The following MIGA2 variants were observed in gnomAD, a reference collection of about 807,000 sequenced individuals.
MIGA2 encodes the protein mitoguardin 2.
MIGA2 carries 36 observed loss-of-function variants against 69.9 expected under a neutral mutation model. The observed-to-expected ratio is 0.52, with a 90% CI of 0.39 to 0.68. The LOEUF (loss-of-function observed/expected upper bound fraction) is 0.68, where lower values mean the gene tolerates loss of function less well. Ranked by LOEUF, MIGA2 falls within the 30% of genes least tolerant of loss-of-function variation. The pLI is 0.00. For synonymous variants in MIGA2, 333 were observed against 349.2 expected (o/e 0.95, Z 0.52); for missense variants, 660 against 787.7 (o/e 0.84, Z 1.94).
chr9:129,041,080 A>G (rs908761199), intron 2 of MIGA2, among the ~76,000 whole-genome samples: 1 of 152,176 alleles, frequency 6.6e-6, no homozygotes, highest in Non-Finnish European at 1.5e-5. Context: ...CATGCCTGTA[A>G]TCCCAGCACT....
chr9:129,054,943 G>A (rs373726410), intron 6 of MIGA2, among the ~76,000 whole-genome samples: 83 of 152,246 alleles, frequency 5.5e-4, no homozygotes, highest in African/African-American at 1.8e-3. Flanking sequence ...CCTGGCTGGC[G>A]TGCAGTGGCA....
At chr9:129,052,079 G>C (rs966207092) in intron 6 of MIGA2, among the ~76,000 whole-genome samples, 1 of 152,030 alleles carries the variant, frequency 6.6e-6, no homozygotes, top group African/African-American at 2.4e-5. Flanking sequence ...GCCCGCCTCG[G>C]CCTCCCAAAG....
At chr9:129,056,516 A>G (rs1845804422) in intron 6 of MIGA2, among the ~76,000 whole-genome samples, 1 of 151,524 alleles carries the variant, frequency 6.6e-6, no homozygotes, top group Non-Finnish European at 1.5e-5. Context: ...TACTGTAATA[A>G]TGACTTTTTT....
intron 10 of MIGA2, 81 bp downstream of exon 10, chr9:129,063,397 C>A: frequency 6.4e-7 from 1 of 1,567,022 alleles, no homozygotes. Context: ...ATGTATGTGG[C>A]CTCCTGGTCC....
Position 129,047,977 on chromosome 9 carries a change from C to A in MIGA2, c.308-450C>A, listed in dbSNP as rs1845318682. 2.0e-5 allele frequency among the ~76,000 whole-genome samples: 3 copies of A among 151,954 alleles called. No homozygotes were observed. In the South Asian group the frequency reaches 6.2e-4, roughly 32 times the overall value. On this transcript the variant is annotated intron_variant, in intron 3 of 15. Transcript: ENST00000684074. Reference sequence around the variant, plus strand: ...CTCCTGGGCTCAAGCAGTCCTCCCCCATCTCGGCCTCCCAAAGTGCTGGGA... The same window carrying A: ...CTCCTGGGCTCAAGCAGTCCTCCCCAATCTCGGCCTCCCAAAGTGCTGGGA...
At chr9:129,041,016 C>A (rs1844875495) in intron 2 of MIGA2, among the ~76,000 whole-genome samples, 1 of 152,008 alleles carries the variant, frequency 6.6e-6, no homozygotes, top group Non-Finnish European at 1.5e-5. Flanking sequence ...CATGGTGAAA[C>A]CCTGTCTCTA....
chr9:129,070,060 G>T (rs908095350), intron 15 of MIGA2, 95 bp downstream of exon 15: 3 of 1,280,134 alleles, frequency 2.3e-6, no homozygotes, highest in Non-Finnish European at 3.3e-6. Flanking sequence ...CTGGGCCTGG[G>T]CCTGCTCCCA....
rs778999592 is a variant in MIGA2 at position 129,048,535 on chromosome 9, C to T, written c.416C>T (p.Ala139Val). 5.8e-5 allele frequency: 94 copies of T among 1,613,426 alleles called. No homozygotes were observed. The East Asian group carries it at 2.0e-3, about 35-fold the overall frequency. Reference sequence around the variant, plus strand: ...CACTCGGGCTCCTCCCACAGTGTGGCCTCGGTGAGCAGCAGGTGCCAGGGC... The same window carrying T: ...CACTCGGGCTCCTCCCACAGTGTGGTCTCGGTGAGCAGCAGGTGCCAGGGC... ...SKHSGSSHSV[A>V]SMMAVNSSSP... Residue 139 changes from alanine to valine, a missense_variant, in exon 4 of 16, where the codon GCC (alanine) becomes GTC (valine). By Grantham distance (64) the Ala-to-Val change is moderately conservative. Transcript: ENST00000684074.
At position 129,059,335 on chromosome 9, in the gene MIGA2, GT is replaced by G; in HGVS notation, c.793+66del. 7.5e-7 allele frequency: 1 copy of G among 1,339,374 alleles called. No individual in the cohort carries two copies. The highest frequency in any genetic ancestry group is 1.0e-6 in the Non-Finnish European group (1 of 961,298). The allele number at this position is 1,339,374 out of a possible 1,614,324, so 83.0% of individuals were successfully genotyped here. A position where few individuals can be genotyped will look rare whatever the true frequency, so the allele number is the denominator to read the frequency against. On this transcript the variant is annotated intron_variant, in intron 7 of 15. Transcript: ENST00000684074. This position sits in a 1 kb window ranked among gnomAD's most constrained non-coding sequence, Gnocchi z 5.6. ...GTGGCAGGGATGGAGGTGAGGAGAA[GT>G]TGCGAGAACCGGGTCGTGGTTCTCT... is the stretch of plus-strand genomic sequence containing the variant.
At chr9:129,045,309 G>A (rs951974220) in intron 3 of MIGA2, among the ~76,000 whole-genome samples, 10 of 151,272 alleles carry the variant, frequency 6.6e-5, no homozygotes, top group Admixed American at 2.0e-4. Flanking sequence ...AAGCATGGGG[G>A]TGCATGCCTG....
chr9:129,068,307 G>T lies in MIGA2; in HGVS notation c.1379G>T (p.Trp460Leu). 1 of 1,608,340 alleles carries T rather than the reference G, an allele frequency of 6.2e-7. No individual in the cohort carries two copies. The highest frequency in any genetic ancestry group is 8.5e-7 in the Non-Finnish European group (1 of 1,178,748). The change falls in exon 13 of 16, where the codon TGG becomes TTG. Residue 460 changes from tryptophan to leucine, a missense_variant. Trp to Leu is a moderately conservative substitution (Grantham distance 61, BLOSUM62 -2). Coordinates refer to ENST00000684074, the MANE Select transcript of MIGA2 (RefSeq NM_001329990.2). The surrounding 1 kb of genome is among the most constrained non-coding windows in gnomAD (Gnocchi z 4.1). ...ASVLAVLRNR[W>L]LSDSFKETAL... ...GTGCTCGCCGTCCTGCGGAACCGCT[G>T]GCTGTCAGACAGCTTCAAGGAGACG...
Position 129,070,386 on chromosome 9 carries a change from C to A in MIGA2, c.1715C>A (p.Ala572Glu). 1 of 1,611,988 alleles carries A rather than the reference C, an allele frequency of 6.2e-7. No individual in the cohort carries two copies. Among genetic ancestry groups the A allele is most frequent in the Non-Finnish European group, 8.5e-7 (1 of 1,179,536 alleles). ...EILLGYLGVP[A>E]ASSAGVNGAL... is the part of the protein sequence containing the mutation. ...TTGCTGGGGTACCTGGGGGTGCCCG[C>A]GGCCAGCAGCGCAGGCGTGAATGGG... is the stretch of plus-strand genomic sequence containing the variant. Residue 572 changes from alanine (A) to glutamate (E), a missense_variant, in exon 16 of 16, where the codon GCG becomes GAG. This residue lies in a region of MIGA2 where 220 missense variants were observed against 301.7 expected (regional missense o/e 0.73). Transcript: ENST00000684074.
In MIGA2 at chr9:129,069,219, C is replaced by T; in HGVS notation, c.1458+90C>T. 2 of 1,516,574 alleles carry T rather than the reference C, an allele frequency of 1.3e-6. No individual in the cohort carries two copies. Among genetic ancestry groups the T allele is most frequent in the Non-Finnish European group, 1.8e-6 (2 of 1,098,158 alleles). 93.9% of individuals were successfully genotyped at this position (1,516,574 alleles called of 1,614,324 possible). On this transcript the variant is annotated intron_variant, in intron 14 of 15. Coordinates refer to ENST00000684074, the MANE Select transcript of MIGA2 (RefSeq NM_001329990.2). This position sits in a 1 kb window ranked among gnomAD's most constrained non-coding sequence, Gnocchi z 4.9. ...GCGGGTGCAGGGTGGCTCGCTGGGC[C>T]ACTTGGCCTTCACCGCTCACAGTCC...
chr9:129,040,881 T>C (rs1844865497), intron 2 of MIGA2, among the ~76,000 whole-genome samples, 191 bp downstream of exon 2: 2 of 152,314 alleles, frequency 1.3e-5, no homozygotes, highest in South Asian at 2.1e-4. Context: ...GAACTCTTTT[T>C]TTTTTAATTA....
At position 129,068,494 on chromosome 9, in the gene MIGA2, C is replaced by G. The variant is rs763409921; in HGVS notation, c.1404+162C>G. 20 of 932,740 alleles carry G rather than the reference C, an allele frequency of 2.1e-5. No individual in the cohort carries two copies. Among genetic ancestry groups the G allele is most frequent in the Non-Finnish European group, 3.1e-5 (20 of 637,624 alleles). The allele number at this position is 932,740 out of a possible 1,614,324, so 57.8% of individuals were successfully genotyped here. On this transcript the variant is annotated intron_variant, in intron 13 of 15. Transcript: ENST00000684074. This position sits in a 1 kb window ranked among gnomAD's most constrained non-coding sequence, Gnocchi z 4.1. Reference sequence around the variant, plus strand: ...GAGACCAGAGTCTGCCCTGGAGAAGCCTCCAGGGTGCCCCGTTGCTGCCTG... The same window carrying G: ...GAGACCAGAGTCTGCCCTGGAGAAGGCTCCAGGGTGCCCCGTTGCTGCCTG...
At position 129,049,406 on chromosome 9, in the gene MIGA2, C is replaced by G; in HGVS notation, c.446C>G (p.Pro149Arg). The G allele has an allele frequency of 1.2e-6, 2 of 1,613,460 alleles. No homozygotes were observed. The highest frequency in any genetic ancestry group is 1.7e-6 in the Non-Finnish European group (2 of 1,179,732). ...ASMMAVNSSS[P>R]TAACSGLWDA... ...ATGATGGCAGTGAACTCATCCAGCCCCACAGCCGCGTGCTCGGGACTATGG... is the reference window on the plus strand; with the variant it reads ...ATGATGGCAGTGAACTCATCCAGCCGCACAGCCGCGTGCTCGGGACTATGG... Residue 149 changes from proline to arginine, a missense_variant, in exon 5 of 16, where the codon CCC becomes CGC. Transcript: ENST00000684074.
Position 129,049,919 on chromosome 9 carries a change from G to T in MIGA2, c.631G>T (p.Asp211Tyr), listed in dbSNP as rs575213285. 1 of 1,613,758 alleles carries T rather than the reference G, an allele frequency of 6.2e-7. No individual in the cohort carries two copies. Among genetic ancestry groups the T allele is most frequent in the African/African-American group, 1.3e-5 (1 of 75,058 alleles). The stretch of plus-strand genomic sequence containing the variant: ...CAGCGGCAGCACCCCCATGCCCAGG[G>T]ACGGCCTCCGGAACCCAGAGACTGC... ...GDSGSTPMPRDGLRNPETASE... is the reference protein window; with the variant it reads ...GDSGSTPMPRYGLRNPETASE... Residue 211 changes from aspartate (D) to tyrosine (Y), a missense_variant, in exon 6 of 16, where the codon GAC (aspartate) becomes TAC (tyrosine). Around this residue, in one of 3 missense-constraint regions of MIGA2, gnomAD observed 386 missense variants for 402.0 expected, o/e 0.96. Coordinates refer to ENST00000684074, the MANE Select transcript of MIGA2 (RefSeq NM_001329990.2).
At chr9:129,051,096 A>C (rs1437338999) in intron 6 of MIGA2, among the ~76,000 whole-genome samples, 2 of 148,238 alleles carry the variant, frequency 1.3e-5, no homozygotes, top group Non-Finnish European at 3.0e-5. Context: ...CTGGTCTCGA[A>C]CTCCTGACCT....
intron 6 of MIGA2, among the ~76,000 whole-genome samples, chr9:129,057,135 A>G (rs1040427409): frequency 6.6e-6 from 1 of 152,120 alleles, no homozygotes; most frequent in African/African-American, 2.4e-5. Context: ...TCTAGTGCTC[A>G]CTTCTCTTCC....
Sources: gnomAD v4.1 joint callset for allele counts (sites outside exome capture counted in the v4.1 genomes callset) on GRCh38, gnomAD v4.1.1 for gene constraint, gnomAD v4.1.1 regional missense constraint, Gnocchi (gnomAD v3.1) non-coding constraint, MANE v1.5 for transcripts, NCBI Gene and HGNC (gene_info 2026-07-23, HGNC 2026-07-21) for gene names.